The following C2CD5 variants were observed in gnomAD, a reference collection of about 807,000 sequenced individuals.
C2CD5 encodes the protein C2 calcium dependent domain containing 5, also known as C2 domain-containing protein 5.
C2CD5 carries 109 observed loss-of-function variants against 130.3 expected under a neutral mutation model. The observed-to-expected ratio is 0.84, with a 90% confidence interval of 0.72 to 0.98. The LOEUF (loss-of-function observed/expected upper bound fraction) is 0.98, where lower values mean the gene tolerates loss of function less well. Among genes scored for constraint, C2CD5 ranks in the 50% least tolerant of loss-of-function variants. The probability of loss-of-function intolerance (pLI) is 0.00; values close to 1 mark genes in which losing one functional copy is unlikely to be tolerated. For synonymous variants in C2CD5, 454 were observed against 429.2 expected, an observed-to-expected ratio of 1.06 and a Z score of -0.71; for missense variants, 996 against 1,261.8, an observed-to-expected ratio of 0.79 and a Z score of 3.19.
intron 2 of C2CD5, among the ~76,000 whole-genome samples, chr12:22,536,007 C>T (rs1382533766): frequency 6.6e-6 from 1 of 152,008 alleles, no homozygotes; most frequent in Admixed American, 6.6e-5. Flanking sequence ...AAATATCTGT[C>T]AATATGGAAC....
chr12:22,512,231 A>G (rs890130701), intron 9 of C2CD5, among the ~76,000 whole-genome samples: 12 of 152,226 alleles, frequency 7.9e-5, no homozygotes, highest in Admixed American at 2.6e-4. Context: ...TAAGGAGGGA[A>G]AAGTCTAGAA....
At position 22,478,407 on chromosome 12, in the gene C2CD5, T is replaced by A; in HGVS notation, c.1808A>T (p.Asn603Ile). ...GATGTGTTGTTCATATGAGCCATCA[T>A]TAGGAGTCTTCCCAGCAATCTGAAT... ...GGIQIAGKTP[N>I]DGSYEQHISH... Residue 603 changes from asparagine to isoleucine, a missense_variant, in exon 15 of 27, where the codon AAT becomes ATT. By Grantham distance (149) the Asn-to-Ile change is moderately radical (BLOSUM62 -3). Around this residue, in one of 9 missense-constraint regions of C2CD5, gnomAD observed 590 missense variants for 631.4 expected, o/e 0.93. Coordinates refer to ENST00000446597, the MANE Select transcript of C2CD5 (RefSeq NM_001286176.2). 2 of 1,613,322 alleles carry A rather than the reference T, an allele frequency of 1.2e-6. No individual in the cohort carries two copies. The highest frequency in any genetic ancestry group is 8.5e-7 in the Non-Finnish European group (1 of 1,179,318).
At chr12:22,477,907 G>A (rs1200528776) in intron 15 of C2CD5, 1 of 162,536 alleles carries the variant, frequency 6.2e-6, no homozygotes, top group Non-Finnish European at 1.3e-5. Context: ...CAAATACTAA[G>A]AGACTACCAC....
chr12:22,479,801 C>T (rs1408701820), intron 14 of C2CD5, among the ~76,000 whole-genome samples: 1 of 151,998 alleles, frequency 6.6e-6, no homozygotes, highest in East Asian at 1.9e-4. Context: ...TATATATATC[C>T]TTATGAGCAC....
chr12:22,484,910 T>A (rs931893493), intron 12 of C2CD5, 22 bp from the exon 13 acceptor site: 20 of 1,208,684 alleles, frequency 1.7e-5, no homozygotes, highest in Non-Finnish European at 2.2e-5. Context: ...AATAAAAAAA[T>A]AAGATATTCT....
chr12:22,457,003 A>T lies in C2CD5; in HGVS notation c.2845T>A (p.Phe949Ile). 6.3e-7 allele frequency: 1 copy of T among 1,599,820 alleles called. No homozygotes were observed. Among genetic ancestry groups the T allele is most frequent in the Non-Finnish European group, 8.5e-7 (1 of 1,171,894 alleles). ...ITKYLGIINM[F>I]FIRETTSLRE... Reference sequence around the variant, plus strand: ...AGAGAAGTAGTCTCTCGAATAAAAAACATGTTAATTATCCCAAGATACTTA... The same window carrying T: ...AGAGAAGTAGTCTCTCGAATAAAAATCATGTTAATTATCCCAAGATACTTA... The change falls in exon 25 of 27, where the codon TTT (phenylalanine) becomes ATT (isoleucine). Residue 949 changes from phenylalanine to isoleucine, a missense_variant. Around this residue, in one of 9 missense-constraint regions of C2CD5, gnomAD observed 51 missense variants for 99.5 expected, o/e 0.51. Coordinates refer to ENST00000446597, the MANE Select transcript of C2CD5 (RefSeq NM_001286176.2).
intron 6 of C2CD5, among the ~76,000 whole-genome samples, chr12:22,523,918 T>C (rs1005709747): frequency 6.6e-6 from 1 of 152,010 alleles, no homozygotes; most frequent in Non-Finnish European, 1.5e-5. Context: ...GTGAAATACA[T>C]GTATGAATAT....
chr12:22,467,077 C>T (rs1942202259), intron 22 of C2CD5, among the ~76,000 whole-genome samples: 1 of 152,192 alleles, frequency 6.6e-6, no homozygotes, highest in Non-Finnish European at 1.5e-5. Context: ...CCTGGCAGGC[C>T]AAGAGGTACC....
At chr12:22,510,583 C>T (rs1949075859) in intron 9 of C2CD5, among the ~76,000 whole-genome samples, 1 of 152,068 alleles carries the variant, frequency 6.6e-6, no homozygotes, top group South Asian at 2.1e-4. Context: ...ATATAAAATC[C>T]ATAACAGATT....
intron 3 of C2CD5, among the ~76,000 whole-genome samples, chr12:22,528,296 G>C (rs1289157460): frequency 6.6e-6 from 1 of 152,130 alleles, no homozygotes; most frequent in Non-Finnish European, 1.5e-5. Flanking sequence ...ATTTCTAAGG[G>C]CGATTTCAGA....
At chr12:22,527,251 A>AT (rs1255593957) in intron 4 of C2CD5, among the ~76,000 whole-genome samples, 6 of 151,422 alleles carry the variant, frequency 4.0e-5, no homozygotes, top group Non-Finnish European at 7.4e-5. Flanking sequence ...AGAAGCAACA[A>AT]TTTTACTAAC....
At position 22,525,660 on chromosome 12, in the gene C2CD5, T is replaced by C. The variant is rs1443629834; in HGVS notation, c.395A>G (p.Asn132Ser). 25 of 1,594,510 alleles carry C rather than the reference T, an allele frequency of 1.6e-5. No homozygotes were observed. The highest frequency in any genetic ancestry group is 2.2e-5 in the Non-Finnish European group (25 of 1,162,690). ...TGACTGCCTAAATCGATTTAAATCA[T>C]TGAAGAGGTCTACTTTGACAACTAC... ...INVVVKVDLF[N>S]DLNRFRQSSC... The change falls in exon 5 of 27, where the codon AAT (asparagine) becomes AGT (serine). Residue 132 changes from asparagine to serine, a missense_variant. Around this residue, in one of 9 missense-constraint regions of C2CD5, gnomAD observed 49 missense variants for 52.0 expected, o/e 0.94. Coordinates refer to ENST00000446597, the MANE Select transcript of C2CD5 (RefSeq NM_001286176.2).
chr12:22,518,893 T>C (rs943170138), intron 7 of C2CD5: 1 of 371,468 alleles, frequency 2.7e-6, no homozygotes, highest in Non-Finnish European at 4.8e-6. Flanking sequence ...TGAGGATCTG[T>C]GGAAGAGACT....
At chr12:22,491,185 GGACCTCTGTCAGAT>G (rs1946299409) in intron 11 of C2CD5, among the ~76,000 whole-genome samples, 1 of 152,134 alleles carries the variant, frequency 6.6e-6, no homozygotes, top group Non-Finnish European at 1.5e-5. Context: ...GGTCTAGAAA[GGACCTCTGTCAGAT>G]GACATCTGTC....
chr12:22,481,075 G>A (rs1479882655), intron 14 of C2CD5, among the ~76,000 whole-genome samples: 1 of 152,094 alleles, frequency 6.6e-6, no homozygotes, highest in African/African-American at 2.4e-5. Flanking sequence ...AAAGTGCTGG[G>A]ATTACAGGCA....
chr12:22,525,719 A>C lies in C2CD5; in HGVS notation c.350-14T>G. On this transcript the variant is annotated splice_polypyrimidine_tract_variant and intron_variant, in intron 4 of 26. Transcript: ENST00000446597. ...CCCCACGGATACCTATAAATTTAAA[A>C]AGAAAATCAAGTTTCTACCTTAAGA... is the stretch of plus-strand genomic sequence containing the variant. 1.7e-5 allele frequency: 20 copies of C among 1,185,516 alleles called. No individual in the cohort carries two copies. Among genetic ancestry groups the C allele is most frequent in the Non-Finnish European group, 2.3e-5 (18 of 795,454 alleles). 73.4% of individuals were successfully genotyped at this position (1,185,516 alleles called of 1,614,324 possible).
chr12:22,461,332 A>G lies in C2CD5; in HGVS notation c.2534-1790T>C, dbSNP rs118165460. On this transcript the variant is annotated intron_variant, in intron 22 of 26. Coordinates refer to ENST00000446597, the MANE Select transcript of C2CD5 (RefSeq NM_001286176.2). ...AATTCTGTGCATTTTTTTAAACTGC[A>G]GGGGAAAGAGGAACGGCTTAAAAAT... Among the ~76,000 whole-genome samples, 427 of 152,284 alleles carry G rather than the reference A, an allele frequency of 2.8e-3. 9 individuals are homozygous for G. In the East Asian group the frequency reaches 0.052, roughly 18 times the overall value.
At position 22,478,494 on chromosome 12, in the gene C2CD5, G is replaced by A; in HGVS notation, c.1738-17C>T. 1 of 1,604,084 alleles carries A rather than the reference G, an allele frequency of 6.2e-7. No individual in the cohort carries two copies. The highest frequency in any genetic ancestry group is 1.1e-5 in the South Asian group (1 of 90,242). ...TGTGGCAGACTTGTAAAAAATAATG[G>A]GGAAATAATCAGAAAAAATATCTAC... On this transcript the variant is annotated splice_polypyrimidine_tract_variant and intron_variant, in intron 14 of 26. Coordinates refer to ENST00000446597, the MANE Select transcript of C2CD5 (RefSeq NM_001286176.2).
In C2CD5 at chr12:22,472,762, C is replaced by T; in HGVS notation, c.2089G>A (p.Asp697Asn). ...AMEDVHSLLTDVPPPSGFYSC... is the reference protein window; with the variant it reads ...AMEDVHSLLTNVPPPSGFYSC... The stretch of plus-strand genomic sequence containing the variant: ...TGTTCACCTGAAGGAGGAGGAACAT[C>T]AGTAAGTAGAGAATGGACATCTTCC... The change falls in exon 17 of 27, where the codon GAT becomes AAT. Residue 697 changes from aspartate (D) to asparagine (N), a missense_variant. By Grantham distance (23) the Asp-to-Asn change is conservative (BLOSUM62 1). Around this residue, in one of 9 missense-constraint regions of C2CD5, gnomAD observed 590 missense variants for 631.4 expected, o/e 0.93. Transcript: ENST00000446597. 1 of 1,578,728 alleles carries T rather than the reference C, an allele frequency of 6.3e-7. No individual in the cohort carries two copies. Among genetic ancestry groups the T allele is most frequent in the Non-Finnish European group, 8.7e-7 (1 of 1,148,420 alleles).
Sources: gnomAD v4.1 joint callset for allele counts (sites outside exome capture counted in the v4.1 genomes callset) on GRCh38, gnomAD v4.1.1 for gene constraint, gnomAD v4.1.1 regional missense constraint, MANE v1.5 for transcripts, NCBI Gene and HGNC (gene_info 2026-07-23, HGNC 2026-07-21) for gene names.